EXD2: variants seen among roughly 807,000 people sequenced by gnomAD.
EXD2 encodes the protein exonuclease 3'-5' domain-containing protein 2.
EXD2 carries 40 observed loss-of-function variants against 62.5 expected under a neutral mutation model. The observed-to-expected ratio is 0.64, with a 90% CI of 0.50 to 0.83. The LOEUF is 0.83. Ranked by LOEUF, EXD2 falls within the 40% of genes least tolerant of loss-of-function variation. The pLI is 0.00. For synonymous variants in EXD2, 239 were observed against 291.9 expected, an observed-to-expected ratio of 0.82 and a Z score of 1.85; for missense variants, 671 against 761.8, an observed-to-expected ratio of 0.88 and a Z score of 1.40.
At chr14:69,194,389 C>T (rs1161244296) in intron 1 of EXD2, among the ~76,000 whole-genome samples, 2 of 152,076 alleles carry the variant, frequency 1.3e-5, no homozygotes, top group Non-Finnish European at 2.9e-5. Flanking sequence ...CCACCTGCCT[C>T]GGCCTCCCAA....
At chr14:69,201,983 T>C (rs1279575116) in intron 1 of EXD2, among the ~76,000 whole-genome samples, 2 of 151,950 alleles carry the variant, frequency 1.3e-5, no homozygotes, top group Non-Finnish European at 2.9e-5. Context: ...CACTCAGCCA[T>C]GTTTTCTCTT....
At chr14:69,206,884 T>G (rs926939982) in intron 2 of EXD2, among the ~76,000 whole-genome samples, 3 of 152,200 alleles carry the variant, frequency 2.0e-5, no homozygotes, top group African/African-American at 7.2e-5. Flanking sequence ...TTTCAGTGGT[T>G]TCTCCAGCAT....
chr14:69,227,688 A>G (rs552409860), intron 3 of EXD2, among the ~76,000 whole-genome samples: 61 of 152,200 alleles, frequency 4.0e-4, no homozygotes, highest in African/African-American at 1.3e-3. Flanking sequence ...TACAAAAAAT[A>G]CAAAAATTAG....
chr14:69,208,208 C>CTTT (rs1356594261), intron 2 of EXD2, among the ~76,000 whole-genome samples: 1 of 87,614 alleles, frequency 1.1e-5, no homozygotes, highest in African/African-American at 5.4e-5. Flanking sequence ...AGGCCACTTA[C>CTTT]TATTTTTTTT....
chr14:69,200,270 A>C (rs1204646865), intron 1 of EXD2, among the ~76,000 whole-genome samples: 4 of 152,224 alleles, frequency 2.6e-5, no homozygotes. Flanking sequence ...AGGGCTTATC[A>C]GGGGTTAGAA....
In EXD2 at chr14:69,234,919, C is replaced by T. The variant is rs778935942; in HGVS notation, c.937C>T (p.Gln313Ter). The part of the protein sequence containing the change: ...EVNGEATESQ[Q>*]KPRNKKSKMD... Reference sequence around the variant, plus strand: ...TAATGGGGAAGCAACAGAATCTCAGCAGAAGCCAAGAAATAAGAAGTCTAA... The same window carrying T: ...TAATGGGGAAGCAACAGAATCTCAGTAGAAGCCAAGAAATAAGAAGTCTAA... Residue 313 changes from glutamine (Q) to a stop codon, truncating the protein, a stop_gained, in exon 6 of 10, where the codon CAG becomes TAG. Transcript: ENST00000685843. LOFTEE classifies it high-confidence loss of function. 2 of 1,614,090 alleles carry T rather than the reference C, an allele frequency of 1.2e-6. No individual in the cohort carries two copies. The highest frequency in any genetic ancestry group is 1.7e-6 in the Non-Finnish European group (2 of 1,179,998).
At chr14:69,218,114 T>A (rs1486511164) in intron 3 of EXD2, among the ~76,000 whole-genome samples, 1 of 152,212 alleles carries the variant, frequency 6.6e-6, no homozygotes, top group Non-Finnish European at 1.5e-5. Flanking sequence ...CGCCACACTG[T>A]CTTCTACAAT....
At chr14:69,222,281 G>GT (rs1216053495) in intron 3 of EXD2, among the ~76,000 whole-genome samples, 3 of 151,658 alleles carry the variant, frequency 2.0e-5, no homozygotes, top group Non-Finnish European at 4.4e-5. Flanking sequence ...TTTTTGCTTT[G>GT]TTGATCTTCT....
rs752648901 is a variant in EXD2 at position 69,234,920 on chromosome 14, A to G, written c.938A>G (p.Gln313Arg). Residue 313 changes from glutamine to arginine, a missense_variant, in exon 6 of 10, where the codon CAG becomes CGG. Transcript: ENST00000685843. ...AATGGGGAAGCAACAGAATCTCAGC[A>G]GAAGCCAAGAAATAAGAAGTCTAAG... Reference protein sequence around the residue: ...EVNGEATESQQKPRNKKSKMD... With the variant: ...EVNGEATESQRKPRNKKSKMD... 9 of 1,614,050 alleles carry G rather than the reference A, an allele frequency of 5.6e-6. No homozygotes were observed. The South Asian group carries it at 6.6e-5, about 12-fold the overall frequency.
intron 2 of EXD2, among the ~76,000 whole-genome samples, chr14:69,206,796 G>T (rs1396590482): frequency 6.6e-6 from 1 of 152,052 alleles, no homozygotes; most frequent in Non-Finnish European, 1.5e-5. Flanking sequence ...ACCCACTTGG[G>T]GTTTCCTCCT....
chr14:69,201,672 GTTTTTTTTTTTTTTTT>G (rs71102634), intron 1 of EXD2, among the ~76,000 whole-genome samples: 2 of 59,022 alleles, frequency 3.4e-5, no homozygotes, highest in East Asian at 5.4e-4. Context: ...TGTTTTCTCT[GTTTTTTTTTTTTTTTT>G]TTTTTTTTTT....
At chr14:69,236,874 C>T (rs2043813291) in intron 8 of EXD2, among the ~76,000 whole-genome samples, 1 of 152,166 alleles carries the variant, frequency 6.6e-6, no homozygotes, top group Admixed American at 6.5e-5. Context: ...ACTGGCTGAC[C>T]AGCTTTTTGA....
At chr14:69,206,392 T>C (rs1264376470) in intron 2 of EXD2, among the ~76,000 whole-genome samples, 3 of 150,236 alleles carry the variant, frequency 2.0e-5, no homozygotes, top group Non-Finnish European at 3.0e-5. Flanking sequence ...GTTGCTGATA[T>C]ACTCCAGCGC....
Position 69,237,573 on chromosome 14 carries a change from A to G in EXD2, c.1293-2A>G, listed in dbSNP as rs2140044201. The G allele has an allele frequency of 6.2e-7, 1 of 1,614,030 alleles. No homozygotes were observed. The highest frequency in any genetic ancestry group is 8.5e-7 in the Non-Finnish European group (1 of 1,179,902). ...GCTGCTTTCCGGCTGGGCTTGTTCC[A>G]GGAAGAACGTGATTCCACATGAGTA... On this transcript the variant is annotated splice_acceptor_variant, in intron 8 of 9. Transcript: ENST00000685843. LOFTEE classifies it high-confidence loss of function.
intron 4 of EXD2, 92 bp from the exon 5 acceptor site, chr14:69,230,380 C>A (rs1198592419): frequency 5.6e-6 from 4 of 713,370 alleles, no homozygotes; most frequent in Non-Finnish European, 7.0e-6. Flanking sequence ...AGTATGTTAT[C>A]TCTGTTTATT....
chr14:69,233,869 G>A (rs1332706381), intron 5 of EXD2, among the ~76,000 whole-genome samples: 2 of 151,070 alleles, frequency 1.3e-5, no homozygotes, highest in Non-Finnish European at 2.9e-5. Flanking sequence ...GGGTTCAAGC[G>A]ATTCTCCTGC....
chr14:69,211,489 G>A (rs1417219673), intron 3 of EXD2, among the ~76,000 whole-genome samples: 1 of 148,742 alleles, frequency 6.7e-6, no homozygotes, highest in African/African-American at 2.5e-5. Context: ...GCTACTAGAT[G>A]CCAACACTGT....
intron 3 of EXD2, among the ~76,000 whole-genome samples, chr14:69,220,527 G>A (rs1161539315): frequency 6.8e-6 from 1 of 146,480 alleles, no homozygotes; most frequent in East Asian, 2.0e-4. Flanking sequence ...CAAAGTGCTG[G>A]GATTACAAGT....
At chr14:69,211,810 CA>C (rs1431761426) in intron 3 of EXD2, among the ~76,000 whole-genome samples, 1 of 152,124 alleles carries the variant, frequency 6.6e-6, no homozygotes, top group Non-Finnish European at 1.5e-5. Context: ...ATAACTTGAG[CA>C]ACAGCAGGGT....
Sources: gnomAD v4.1 joint callset for allele counts (sites outside exome capture counted in the v4.1 genomes callset) on GRCh38, gnomAD v4.1.1 for gene constraint, MANE v1.5 for transcripts, NCBI Gene and HGNC (gene_info 2026-07-23, HGNC 2026-07-21) for gene names.